OCA2: variants seen among roughly 807,000 people sequenced by gnomAD.
The protein encoded by OCA2 is OCA2 melanosomal transmembrane protein.
In OCA2, 77 loss-of-function variants were observed where a neutral mutation model predicts 100.2. The observed-to-expected ratio is 0.77, with a 90% CI of 0.64 to 0.93. The LOEUF (loss-of-function observed/expected upper bound fraction) is 0.93. Among genes scored for constraint, OCA2 ranks in the 40% least tolerant of loss-of-function variants. The pLI, the probability that OCA2 is intolerant of heterozygous loss-of-function variation, is 0.00. For missense variants in OCA2, 1,062 were observed against 1,089.1 expected (o/e 0.98, Z 0.35); for synonymous variants, 432 against 439.2 (o/e 0.98, Z 0.21).
At chr15:27,776,287 C>T (rs1459278296) in intron 23 of OCA2, among the ~76,000 whole-genome samples, 1 of 152,202 alleles carries the variant, frequency 6.6e-6, no homozygotes, top group Non-Finnish European at 1.5e-5. Flanking sequence ...ATTCTGCACA[C>T]CATCTCTTCT....
intron 1 of OCA2, among the ~76,000 whole-genome samples, chr15:28,096,152 T>C (rs1297572441): frequency 7.2e-6 from 1 of 139,762 alleles, no homozygotes; most frequent in Non-Finnish European, 1.5e-5. Context: ...CTCCGGGAGG[T>C]GGCTGGTCTC....
chr15:27,973,440 C>A (rs868100405), intron 14 of OCA2, among the ~76,000 whole-genome samples: 2 of 152,112 alleles, frequency 1.3e-5, no homozygotes, highest in Non-Finnish European at 1.5e-5. Context: ...AAGAGAGTGT[C>A]TTTTACCCAG....
At chr15:28,036,661 A>G (rs2043052198) in intron 2 of OCA2, among the ~76,000 whole-genome samples, 3 of 152,206 alleles carry the variant, frequency 2.0e-5, no homozygotes, top group African/African-American at 7.2e-5. Context: ...AGATCAAAAC[A>G]CTTAACAATC....
At chr15:27,742,392 A>G in the OCA2 span, among the ~76,000 whole-genome samples, 6 of 152,300 alleles carry the variant, frequency 3.9e-5, no homozygotes, top group Non-Finnish European at 8.8e-5. Context: ...ATTTGTCAAA[A>G]GGTGGGACCA....
chr15:27,851,256 T>C, intron 22 of OCA2, 126 bp downstream of exon 22: 1 of 809,758 alleles, frequency 1.2e-6, no homozygotes, highest in African/African-American at 1.7e-5. Context: ...AATATGTGTG[T>C]CCACTCAGGA....
At chr15:28,095,143 G>C (rs1164962796) in intron 1 of OCA2, among the ~76,000 whole-genome samples, 1 of 152,226 alleles carries the variant, frequency 6.6e-6, no homozygotes, top group Non-Finnish European at 1.5e-5. Flanking sequence ...TTTCCCGCTG[G>C]TACTGGCACG....
intron 23 of OCA2, among the ~76,000 whole-genome samples, chr15:27,804,554 T>C (rs2033746687): frequency 6.6e-6 from 1 of 152,240 alleles, no homozygotes; most frequent in South Asian, 2.1e-4. Context: ...AGAATGTTCT[T>C]TTTTGTTTTC....
At chr15:27,911,324 GT>G (rs111689706) in intron 19 of OCA2, among the ~76,000 whole-genome samples, 8,240 of 152,230 alleles carry the variant, frequency 0.054, 768 homozygotes, top group African/African-American at 0.19. Flanking sequence ...GGAGGCTGTA[GT>G]TAGGAGGATT....
intron 16 of OCA2, 77 bp from the exon 17 acceptor site, chr15:27,955,292 G>A (rs374202045): frequency 5.8e-5 from 63 of 1,077,936 alleles, no homozygotes; most frequent in Middle Eastern, 2.0e-4. Flanking sequence ...AGTCCCCAGC[G>A]CTTCGTGCCT....
At chr15:27,988,064 T>C (rs778534565) in intron 11 of OCA2, among the ~76,000 whole-genome samples, 84 of 152,164 alleles carry the variant, frequency 5.5e-4, no homozygotes, top group South Asian at 8.3e-4. Flanking sequence ...TGAATACGCA[T>C]GAGGAGACAG....
rs901822866 is a variant in OCA2 at position 28,082,025 on chromosome 15, G to A, written c.-21-130C>T. ...CCCAGAGTTCCAGCATCCTAACCAC[G>A]CAAGAGCATTTCACCCTAGTGAGAA... On this transcript the variant is annotated intron_variant, in intron 1 of 23. Transcript: ENST00000354638. The A allele has an allele frequency of 1.2e-4, 89 of 745,196 alleles. 1 individual carries two copies. The Admixed American group carries it at 1.2e-3, about 10-fold the overall frequency. 46.2% of individuals were successfully genotyped at this position (745,196 alleles called of 1,614,324 possible).
At chr15:27,840,879 T>C (rs1458714553) in intron 23 of OCA2, among the ~76,000 whole-genome samples, 1 of 152,240 alleles carries the variant, frequency 6.6e-6, no homozygotes. Flanking sequence ...CAAAAAGGTC[T>C]CCTGTTGTCA....
chr15:27,727,868 C>T, the OCA2 span, among the ~76,000 whole-genome samples: 1 of 152,196 alleles, frequency 6.6e-6, no homozygotes, highest in East Asian at 1.9e-4. Flanking sequence ...CTCCCCAATT[C>T]AATATCCTTA....
At chr15:27,890,072 C>T (rs1490336924) in intron 19 of OCA2, among the ~76,000 whole-genome samples, 4 of 152,056 alleles carry the variant, frequency 2.6e-5, no homozygotes, top group South Asian at 4.1e-4. Flanking sequence ...TTGATATGCA[C>T]TCAATAGTAG....
At chr15:27,971,169 C>G (rs1408807204) in intron 14 of OCA2, among the ~76,000 whole-genome samples, 1 of 151,292 alleles carries the variant, frequency 6.6e-6, no homozygotes, top group Non-Finnish European at 1.5e-5. Flanking sequence ...CGCCCCAGCA[C>G]GCATGGCATG....
intron 18 of OCA2, among the ~76,000 whole-genome samples, chr15:27,927,926 G>A (rs2039104960): frequency 6.6e-6 from 1 of 151,598 alleles, no homozygotes; most frequent in African/African-American, 2.4e-5. Flanking sequence ...CGAGTAGCTG[G>A]GATTACAAGT....
In OCA2 at chr15:28,078,924, T is replaced by C. The variant is rs2044522835; in HGVS notation, c.227+2724A>G. Among the ~76,000 whole-genome samples, 2 of 152,112 alleles carry C rather than the reference T, an allele frequency of 1.3e-5. 1 individual carries two copies. Among genetic ancestry groups the C allele is most frequent in the South Asian group, 4.1e-4 (2 of 4,828 alleles). The stretch of plus-strand genomic sequence containing the variant: ...ACCGAGTAACCAGTTTGTGCACAGG[T>C]GATGTAACTGACCCAAGAAATTGCA... On this transcript the variant is annotated intron_variant, in intron 2 of 23. Coordinates refer to ENST00000354638, the MANE Select transcript of OCA2 (RefSeq NM_000275.3).
chr15:28,016,567 C>T (rs1323734863), intron 7 of OCA2, among the ~76,000 whole-genome samples: 2 of 152,154 alleles, frequency 1.3e-5, no homozygotes, highest in East Asian at 3.9e-4. Context: ...TCACTTGAGG[C>T]CAAGAGTTCA....
intron 23 of OCA2, among the ~76,000 whole-genome samples, chr15:27,825,778 G>A (rs999675784): frequency 3.3e-5 from 5 of 152,244 alleles, no homozygotes; most frequent in East Asian, 1.9e-4. Context: ...TCCAGCTCCC[G>A]CAGTGATTGG....
Sources: allele counts gnomAD v4.1 joint callset (sites outside exome capture counted in the v4.1 genomes callset), GRCh38; gene constraint gnomAD v4.1.1; transcripts MANE v1.5; gene names NCBI Gene and HGNC (gene_info 2026-07-23, HGNC 2026-07-21).